TEX9: variants seen among roughly 807,000 people sequenced by gnomAD.
TEX9 encodes testis-expressed protein 9.
Under a neutral mutation model 59.6 loss-of-function variants are expected in TEX9, and 74 were observed. The ratio of observed to expected loss-of-function variants is 1.24; its 90% confidence interval spans 1.03 to 1.51. The LOEUF (loss-of-function observed/expected upper bound fraction) is 1.51. Ranked by LOEUF, TEX9 falls within the 40% of genes most tolerant of loss-of-function variation. TEX9 has a pLI of 0.00. For missense variants in TEX9, 522 were observed against 447.8 expected (o/e 1.17, Z -1.49); for synonymous variants, 186 against 152.2 (o/e 1.22, Z -1.64).
chr15:56,275,603 T>C (rs549768242), intron 1 of TEX9, among the ~76,000 whole-genome samples: 168 of 152,338 alleles, frequency 1.1e-3, no homozygotes, highest in South Asian at 1.7e-3. Flanking sequence ...TTCCTGGTTC[T>C]GCCTAGGTGA....
Position 56,373,511 on chromosome 15 carries a change from A to G in TEX9, c.183+7A>G. On this transcript the variant is annotated splice_region_variant and intron_variant, in intron 3 of 12. Coordinates refer to ENST00000352903, the Ensembl canonical transcript of TEX9. ...ACAAGCTAAGGAAATAATAGTAAGT[A>G]TATGTACAATTATTAATAATTCTAT... 6.5e-7 allele frequency: 1 copy of G among 1,542,374 alleles called. No individual in the cohort carries two copies. The highest frequency in any genetic ancestry group is 8.7e-7 in the Non-Finnish European group (1 of 1,154,238).
At chr15:56,388,331 A>G (rs767891429) in intron 4 of TEX9, 141 bp from the exon 5 acceptor site, 2 of 615,544 alleles carry the variant, frequency 3.2e-6, no homozygotes, top group Non-Finnish European at 5.5e-6. Flanking sequence ...TTCAAAATAA[A>G]TTAACATGTG....
chr15:56,318,505 G>T (rs1383009762), intron 1 of TEX9, among the ~76,000 whole-genome samples: 2 of 151,976 alleles, frequency 1.3e-5, no homozygotes, highest in Non-Finnish European at 2.9e-5. Flanking sequence ...TTTGATTAGT[G>T]TTTAGTTTAC....
At chr15:56,377,074 T>A (rs2047491778) in intron 3 of TEX9, among the ~76,000 whole-genome samples, 1 of 152,074 alleles carries the variant, frequency 6.6e-6, no homozygotes, top group South Asian at 2.1e-4. Context: ...GGTATATGGA[T>A]TTGTTTCTGG....
intron 1 of TEX9, among the ~76,000 whole-genome samples, chr15:56,303,110 T>C (rs1025784959): frequency 2.6e-5 from 4 of 152,176 alleles, no homozygotes; most frequent in Admixed American, 6.5e-5. Context: ...ACAATAATAG[T>C]TGGGGACTTC....
intron 2 of TEX9, among the ~76,000 whole-genome samples, chr15:56,366,963 T>C (rs1430903577): frequency 6.6e-6 from 1 of 152,214 alleles, no homozygotes; most frequent in Non-Finnish European, 1.5e-5. Flanking sequence ...CTATATATAG[T>C]TCTTTATCAG....
At chr15:56,360,926 C>A (rs2046777480), upstream of TEX9, among the ~76,000 whole-genome samples, 1 of 152,180 alleles carries the variant, frequency 6.6e-6, no homozygotes, top group African/African-American at 2.4e-5. Context: ...CCAATAGAGG[C>A]TCTAGTCCAG....
At chr15:56,433,507 G>A in intron 12 of TEX9, among the ~76,000 whole-genome samples, 1 of 151,936 alleles carries the variant, frequency 6.6e-6, no homozygotes, top group Non-Finnish European at 1.5e-5. Context: ...AGATCTCACT[G>A]GTCACCAAGC....
chr15:56,307,080 C>T (rs1485770622), intron 1 of TEX9, among the ~76,000 whole-genome samples: 3 of 152,110 alleles, frequency 2.0e-5, no homozygotes, highest in Non-Finnish European at 4.4e-5. Flanking sequence ...AATACACTTT[C>T]CTGGGGGGAA....
intron 10 of TEX9, among the ~76,000 whole-genome samples, chr15:56,424,162 A>T (rs556552146): frequency 1.3e-5 from 2 of 152,054 alleles, no homozygotes; most frequent in Admixed American, 6.6e-5. Context: ...AGGCACTTTA[A>T]TGTTTGGTAC....
chr15:56,273,907 T>C (rs181773180), intron 1 of TEX9, among the ~76,000 whole-genome samples: 3 of 152,284 alleles, frequency 2.0e-5, no homozygotes, highest in Admixed American at 2.0e-4. Context: ...TGTATCCAGG[T>C]GGTTTTATTT....
At chr15:56,434,442 C>G (rs1401599839) in intron 12 of TEX9, 1 of 1,535,242 alleles carries the variant, frequency 6.5e-7, no homozygotes, top group Non-Finnish European at 8.9e-7. Flanking sequence ...TTCCTTACAC[C>G]AGATTTATAA....
intron 1 of TEX9, among the ~76,000 whole-genome samples, chr15:56,295,026 C>T (rs991226854): frequency 6.6e-6 from 1 of 151,780 alleles, no homozygotes; most frequent in Non-Finnish European, 1.5e-5. Context: ...TTAAAGTAAG[C>T]CTAAATATAT....
chr15:56,435,015 A>C (rs2050696436), intron 12 of TEX9, among the ~76,000 whole-genome samples: 1 of 152,080 alleles, frequency 6.6e-6, no homozygotes, highest in Non-Finnish European at 1.5e-5. Context: ...ATACATACTA[A>C]AAAATATAAT....
chr15:56,309,820 A>C (rs1347946548), intron 1 of TEX9, among the ~76,000 whole-genome samples: 1 of 147,444 alleles, frequency 6.8e-6, no homozygotes, highest in African/African-American at 2.5e-5. Context: ...GGCTGTTTCA[A>C]GGGAGAATGA....
intron 1 of TEX9, among the ~76,000 whole-genome samples, chr15:56,347,638 C>T (rs1366456383): frequency 2.6e-5 from 4 of 151,030 alleles, no homozygotes; most frequent in Non-Finnish European, 5.9e-5. Context: ...CAGACTTAAA[C>T]ATAGTTTAAA....
chr15:56,304,390 A>C (rs2045429386), intron 1 of TEX9, among the ~76,000 whole-genome samples: 1 of 152,200 alleles, frequency 6.6e-6, no homozygotes, highest in South Asian at 2.1e-4. Flanking sequence ...TCTGTCATAT[A>C]AAGTTTTTAT....
At chr15:56,300,897 G>T (rs2045345738) in intron 1 of TEX9, among the ~76,000 whole-genome samples, 1 of 152,170 alleles carries the variant, frequency 6.6e-6, no homozygotes, top group Non-Finnish European at 1.5e-5. Context: ...GTACAAACAA[G>T]ACTAGGCTGT....
chr15:56,271,864 G>C (rs1291388061), intron 1 of TEX9, among the ~76,000 whole-genome samples: 4 of 152,134 alleles, frequency 2.6e-5, no homozygotes. Flanking sequence ...ATTTAGGCTG[G>C]GCACGGTGGC....
Sources: allele counts gnomAD v4.1 joint callset (sites outside exome capture counted in the v4.1 genomes callset), GRCh38; gene constraint gnomAD v4.1.1; transcripts MANE v1.5; gene names NCBI Gene and HGNC (gene_info 2026-07-23, HGNC 2026-07-21).